The following NRG3 variants were observed in gnomAD, a reference collection of about 807,000 sequenced individuals.
NRG3 encodes the protein pro-neuregulin-3, membrane-bound isoform.
A neutral mutation model predicts 66.9 loss-of-function variants in NRG3; 31 were observed. That is an observed-to-expected ratio of 0.46 (90% CI 0.35 to 0.63). NRG3 has a LOEUF of 0.63. Ranked by LOEUF, NRG3 falls within the 20% of genes least tolerant of loss-of-function variation. The probability of loss-of-function intolerance (pLI) is 0.00; values close to 1 mark genes in which losing one functional copy is unlikely to be tolerated. For missense variants in NRG3, 910 were observed against 878.9 expected (o/e 1.04, Z -0.45); for synonymous variants, 393 against 359.4 (o/e 1.09, Z -1.06).
intron 2 of NRG3, among the ~76,000 whole-genome samples, chr10:82,546,044 C>G (rs2043893776): frequency 6.6e-6 from 1 of 152,164 alleles, no homozygotes; most frequent in South Asian, 2.1e-4. Flanking sequence ...GCTGGGATTA[C>G]AGGCGTGAGC....
At chr10:82,163,162 C>T (rs141159841) in intron 1 of NRG3, among the ~76,000 whole-genome samples, 66 of 152,084 alleles carry the variant, frequency 4.3e-4, no homozygotes, top group African/African-American at 1.5e-3. Context: ...CCAAATTTAC[C>T]GACAGCTCTT....
intron 1 of NRG3, among the ~76,000 whole-genome samples, chr10:82,126,680 A>T (rs1165876181): frequency 6.6e-6 from 1 of 152,024 alleles, no homozygotes; most frequent in African/African-American, 2.4e-5. Flanking sequence ...CTCTCTACAC[A>T]TTCATGTTTC....
At chr10:81,895,020 C>T (rs958576495) in intron 1 of NRG3, among the ~76,000 whole-genome samples, 8 of 152,156 alleles carry the variant, frequency 5.3e-5, no homozygotes, top group African/African-American at 1.7e-4. Flanking sequence ...CGGGCCACAG[C>T]GGCATCCTGT....
chr10:82,104,163 A>G (rs1306653005), intron 1 of NRG3, among the ~76,000 whole-genome samples: 1 of 151,986 alleles, frequency 6.6e-6, no homozygotes, highest in Non-Finnish European at 1.5e-5. Flanking sequence ...TTCTTTTTGT[A>G]TTTCTGTTCA....
intron 1 of NRG3, among the ~76,000 whole-genome samples, chr10:82,199,737 A>G (rs1272511059): frequency 6.6e-6 from 1 of 152,150 alleles, no homozygotes; most frequent in East Asian, 1.9e-4. Context: ...GACTTAGATA[A>G]GGGTCAAGGA....
chr10:82,594,052 G>C (rs1034973401), intron 2 of NRG3, among the ~76,000 whole-genome samples: 1 of 151,990 alleles, frequency 6.6e-6, no homozygotes, highest in African/African-American at 2.4e-5. Context: ...TTATCCTTAG[G>C]TTGTTTTCTG....
At chr10:82,615,005 A>G (rs2048550359) in intron 2 of NRG3, among the ~76,000 whole-genome samples, 1 of 152,014 alleles carries the variant, frequency 6.6e-6, no homozygotes, top group South Asian at 2.1e-4. Context: ...GGTGGTATCC[A>G]TTGTTTGAGT....
chr10:81,939,589 T>C (rs1848221956), intron 1 of NRG3, among the ~76,000 whole-genome samples: 1 of 151,986 alleles, frequency 6.6e-6, no homozygotes, highest in African/African-American at 2.4e-5. Context: ...TTCATCTCAT[T>C]ATTTCTGTGG....
chr10:82,692,443 G>T (rs2055012331), intron 2 of NRG3, among the ~76,000 whole-genome samples: 1 of 152,098 alleles, frequency 6.6e-6, no homozygotes, highest in African/African-American at 2.4e-5. Context: ...AGCTAATCTG[G>T]GTTCTTGTCT....
At chr10:82,441,897 G>A (rs773553044) in intron 2 of NRG3, among the ~76,000 whole-genome samples, 2 of 152,130 alleles carry the variant, frequency 1.3e-5, no homozygotes, top group Admixed American at 6.6e-5. Flanking sequence ...CCTGGCATCC[G>A]AGTAGAGACT....
intron 2 of NRG3, among the ~76,000 whole-genome samples, chr10:82,545,858 G>GCTCA (rs2043874988): frequency 7.0e-6 from 1 of 143,080 alleles, no homozygotes; most frequent in Non-Finnish European, 1.5e-5. Context: ...CACAATCTAG[G>GCTCA]CTCACTGCAA....
At chr10:82,208,916 TA>T (rs1269708688) in intron 1 of NRG3, among the ~76,000 whole-genome samples, 1 of 152,134 alleles carries the variant, frequency 6.6e-6, no homozygotes, top group Non-Finnish European at 1.5e-5. Flanking sequence ...GTCAGGAACA[TA>T]TGGTCCATGT....
chr10:82,786,304 G>C (rs766065584), intron 3 of NRG3, among the ~76,000 whole-genome samples: 8 of 152,118 alleles, frequency 5.3e-5, no homozygotes, highest in Non-Finnish European at 1.0e-4. Context: ...AGGATGTGGG[G>C]TCCCACTGCC....
At chr10:81,927,737 T>C (rs1846944623) in intron 1 of NRG3, among the ~76,000 whole-genome samples, 1 of 152,104 alleles carries the variant, frequency 6.6e-6, no homozygotes, top group African/African-American at 2.4e-5. Flanking sequence ...TCTAAGCCCC[T>C]CAACTGACTG....
intron 4 of NRG3, among the ~76,000 whole-genome samples, chr10:82,882,187 T>C (rs751343919): frequency 2.0e-5 from 3 of 152,212 alleles, no homozygotes; most frequent in Admixed American, 1.3e-4. Context: ...GCATTCTTAG[T>C]GTATAAGGCG....
intron 2 of NRG3, among the ~76,000 whole-genome samples, chr10:82,573,003 C>T (rs1470816098): frequency 6.6e-6 from 1 of 151,716 alleles, no homozygotes; most frequent in East Asian, 1.9e-4. Flanking sequence ...CAAGCAGCTG[C>T]CATTCACGAA....
chr10:82,874,689 C>T (rs900906927), intron 4 of NRG3, among the ~76,000 whole-genome samples: 2 of 152,166 alleles, frequency 1.3e-5, no homozygotes, highest in Admixed American at 1.3e-4. Context: ...ATATCGCTAT[C>T]TTACAAATGA....
At chr10:82,240,241 GAAATT>G (rs1217100801) in intron 1 of NRG3, among the ~76,000 whole-genome samples, 1 of 151,606 alleles carries the variant, frequency 6.6e-6, no homozygotes, top group African/African-American at 2.4e-5. Context: ...ATGGAAAACT[GAAATT>G]AAAGAGAAAT....
intron 2 of NRG3, among the ~76,000 whole-genome samples, chr10:82,606,384 T>A (rs2047962862): frequency 6.6e-6 from 1 of 152,186 alleles, no homozygotes; most frequent in Non-Finnish European, 1.5e-5. Context: ...AGAGAATACT[T>A]CACATGATTT....
Sources: allele counts gnomAD v4.1 joint callset (sites outside exome capture counted in the v4.1 genomes callset), GRCh38; gene constraint gnomAD v4.1.1; transcripts MANE v1.5; gene names NCBI Gene and HGNC (gene_info 2026-07-23, HGNC 2026-07-21).